The following FEZ1 variants were observed in gnomAD, a reference collection of about 807,000 sequenced individuals.
FEZ1 encodes fasciculation and elongation protein zeta-1.
FEZ1 carries 20 observed loss-of-function variants against 49.3 expected under a neutral mutation model. The observed-to-expected ratio is 0.41, with a 90% CI of 0.29 to 0.59. FEZ1 has a LOEUF of 0.59. Among genes scored for constraint, FEZ1 ranks in the 20% least tolerant of loss-of-function variants. FEZ1 has a pLI of 0.36. For synonymous variants in FEZ1, 170 were observed against 180.9 expected (o/e 0.94, Z 0.48); for missense variants, 413 against 476.0 (o/e 0.87, Z 1.23).
chr11:125,475,699 T>C (rs560782946), intron 3 of FEZ1, among the ~76,000 whole-genome samples: 1 of 151,962 alleles, frequency 6.6e-6, no homozygotes, highest in South Asian at 2.1e-4. Context: ...AATTTACCTA[T>C]GTAACAAACC....
At chr11:125,478,155 C>A (rs1424193940) in intron 3 of FEZ1, among the ~76,000 whole-genome samples, 1 of 152,132 alleles carries the variant, frequency 6.6e-6, no homozygotes, top group East Asian at 1.9e-4. Flanking sequence ...TAAAAATGGA[C>A]CACTTGGCCA....
chr11:125,453,926 C>T, intron 7 of FEZ1: 1 of 380,296 alleles, frequency 2.6e-6, no homozygotes. Flanking sequence ...AACACTAGAG[C>T]TCAAAAAAAA....
At chr11:125,460,997 T>G (rs1202514767) in intron 4 of FEZ1, among the ~76,000 whole-genome samples, 2 of 152,148 alleles carry the variant, frequency 1.3e-5, no homozygotes, top group Non-Finnish European at 2.9e-5. Context: ...TATTTCTAAG[T>G]GGGAAAATAT....
intron 9 of FEZ1, among the ~76,000 whole-genome samples, chr11:125,448,020 G>A (rs6590145): frequency 6.6e-6 from 1 of 151,964 alleles, no homozygotes; most frequent in African/African-American, 2.4e-5. Context: ...AAGCCTGGCC[G>A]GGACTTAATA....
chr11:125,472,918 A>G (rs1053375295), intron 3 of FEZ1, among the ~76,000 whole-genome samples: 8 of 152,188 alleles, frequency 5.3e-5, no homozygotes, highest in African/African-American at 1.9e-4. Flanking sequence ...TGATCTACAT[A>G]TATAAATTGG....
intron 1 of FEZ1, among the ~76,000 whole-genome samples, chr11:125,493,382 G>GA (rs1264590488): frequency 1.8e-4 from 8 of 44,324 alleles, no homozygotes; most frequent in African/African-American, 5.2e-4. Flanking sequence ...AAGAAAGAAA[G>GA]AAAGAAAGAA....
chr11:125,446,511 TAA>T (rs1283090721), intron 9 of FEZ1, among the ~76,000 whole-genome samples: 1 of 152,092 alleles, frequency 6.6e-6, no homozygotes, highest in East Asian at 1.9e-4. Context: ...TCGTGAGGGG[TAA>T]AGTCCAGCCC....
intron 5 of FEZ1, among the ~76,000 whole-genome samples, chr11:125,458,860 A>T (rs1196819481): frequency 1.3e-5 from 2 of 151,590 alleles, no homozygotes; most frequent in African/African-American, 2.4e-5. Context: ...CGAGGTCAAG[A>T]GTTCGAGACC....
intron 3 of FEZ1, among the ~76,000 whole-genome samples, chr11:125,475,127 G>C (rs1957219027): frequency 6.6e-6 from 1 of 151,854 alleles, no homozygotes; most frequent in Non-Finnish European, 1.5e-5. Flanking sequence ...AAAATTAGCT[G>C]GGTGTGGAGG....
Position 125,445,452 on chromosome 11 carries a change from T to C in FEZ1, c.*643A>G, listed in dbSNP as rs777666247. 1.1e-4 allele frequency among the ~76,000 whole-genome samples: 16 copies of C among 152,298 alleles called. No homozygotes were observed. The highest frequency in any genetic ancestry group is 2.4e-4 in the Non-Finnish European group (16 of 68,020). ...CTTTCTATCTGCTAATTGCACACTC[T>C]CACCCCCGTCTCACCCACTCTGACC... On this transcript the variant is annotated 3_prime_UTR_variant, in exon 10 of 10. Transcript: ENST00000278919. The surrounding 1 kb of genome is among the most constrained non-coding windows in gnomAD (Gnocchi z 4.4).
intron 5 of FEZ1, 160 bp from the exon 6 acceptor site, chr11:125,456,266 C>A (rs572700513): frequency 1.5e-6 from 1 of 664,948 alleles, no homozygotes; most frequent in Non-Finnish European, 2.4e-6. Flanking sequence ...TTTACGAGCA[C>A]GCCAGGAAGG....
At chr11:125,455,700 C>A (rs770026716) in intron 6 of FEZ1, 135 bp downstream of exon 6, 32 of 875,486 alleles carry the variant, frequency 3.7e-5, no homozygotes, top group Non-Finnish European at 6.1e-5. Flanking sequence ...TTCTGACCCC[C>A]TGTCTGTCAC....
Position 125,481,541 on chromosome 11 carries a change from T to G in FEZ1, c.404A>C (p.Asp135Ala). The part of the protein sequence containing the change: ...NIEALNGNCS[D>A]TEIHEKEEEE... ...GGGGCCCCGGAGAGGTACCTCAGTG[T>G]CAGAGCAGTTGCCATTCAGAGCCTC... Residue 135 changes from aspartate (D) to alanine (A), a missense_variant, in exon 3 of 10, where the codon GAC becomes GCC. Coordinates refer to ENST00000278919, the MANE Select transcript of FEZ1 (RefSeq NM_005103.5). 1 of 1,605,036 alleles carries G rather than the reference T, an allele frequency of 6.2e-7. No individual in the cohort carries two copies. Among genetic ancestry groups the G allele is most frequent in the Non-Finnish European group, 8.5e-7 (1 of 1,171,860 alleles).
At chr11:125,493,484 AAGAAGGAAAGAAAGAAAGAAAG>A (rs1957419115) in intron 1 of FEZ1, among the ~76,000 whole-genome samples, 1 of 82,196 alleles carries the variant, frequency 1.2e-5, no homozygotes, top group African/African-American at 6.3e-5. Flanking sequence ...GAAAGAAGGA[AAGAAGGAAAGAAAGAAAGAAAG>A]AGAGAAAGAA....
intron 7 of FEZ1, 142 bp downstream of exon 7, chr11:125,453,985 TAAG>T (rs1427909801): frequency 8.2e-6 from 4 of 486,478 alleles, no homozygotes; most frequent in African/African-American, 4.0e-5. Context: ...TGTTCCTCCT[TAAG>T]AGGAGAAAAA....
chr11:125,483,236 C>A (rs927829244), intron 2 of FEZ1, among the ~76,000 whole-genome samples: 1 of 151,956 alleles, frequency 6.6e-6, no homozygotes, highest in South Asian at 2.1e-4. Flanking sequence ...ATCAGGAATG[C>A]GACGTGATAT....
rs779384058 is a variant in FEZ1 at position 125,448,575 on chromosome 11, A to G, written c.1097-8T>C. 1.6e-5 allele frequency: 25 copies of G among 1,597,236 alleles called. No homozygotes were observed. Among genetic ancestry groups the G allele is most frequent in the African/African-American group, 4.0e-5 (3 of 74,574 alleles). On this transcript the variant is annotated splice_polypyrimidine_tract_variant and splice_region_variant and intron_variant, in intron 8 of 9. Transcript: ENST00000278919. ...CCTTCATGGCAAAGAGAACTAGGAA[A>G]GGAGACAGAGAGAGGAACTAAGATA...
At chr11:125,449,885 G>A (rs764358866) in intron 8 of FEZ1, among the ~76,000 whole-genome samples, 16 of 152,200 alleles carry the variant, frequency 1.1e-4, no homozygotes, top group Non-Finnish European at 1.8e-4. Context: ...CAATGGTGGC[G>A]TGAGTCAGCA....
intron 2 of FEZ1, among the ~76,000 whole-genome samples, chr11:125,487,585 T>C (rs543359489): frequency 1.3e-5 from 2 of 152,294 alleles, no homozygotes; most frequent in African/African-American, 4.8e-5. Context: ...TGTTTGAAAC[T>C]TAAAATTTAA....
Sources: allele counts gnomAD v4.1 joint callset (sites outside exome capture counted in the v4.1 genomes callset), GRCh38; gene constraint gnomAD v4.1.1; non-coding constraint Gnocchi (gnomAD v3.1); transcripts MANE v1.5; gene names NCBI Gene and HGNC (gene_info 2026-07-23, HGNC 2026-07-21).